MAF: variants seen among roughly 807,000 people sequenced by gnomAD.
The protein encoded by MAF is MAF bZIP transcription factor.
In MAF, 10 loss-of-function variants were observed where a neutral mutation model predicts 22.0. The ratio of observed to expected loss-of-function variants is 0.45; its 90% CI spans 0.28 to 0.77. The LOEUF is 0.77. MAF is among the 30% of genes least tolerant of loss of function. MAF has a pLI of 0.12. For synonymous variants in MAF, 337 were observed against 255.8 expected, an observed-to-expected ratio of 1.32 and a Z score of -3.03; for missense variants, 544 against 548.4, an observed-to-expected ratio of 0.99 and a Z score of 0.08.
At chr16:79,210,869 C>G in the MAF span, among the ~76,000 whole-genome samples, 1 of 152,322 alleles carries the variant, frequency 6.6e-6, no homozygotes, top group Admixed American at 6.5e-5. Flanking sequence ...ATCAGCTGCA[C>G]TCTTTGCAAC....
chr16:79,520,006 C>G, the MAF span, among the ~76,000 whole-genome samples: 1 of 152,186 alleles, frequency 6.6e-6, no homozygotes, highest in Admixed American at 6.5e-5. Context: ...GGAGGGGATG[C>G]TGGAACTGCA....
the MAF span, among the ~76,000 whole-genome samples, chr16:79,579,158 G>T: frequency 2.6e-5 from 4 of 152,252 alleles, no homozygotes; most frequent in Admixed American, 6.5e-5. Flanking sequence ...ATTCTAGTGC[G>T]CATACTCTGA....
chr16:79,539,431 G>C, the MAF span, among the ~76,000 whole-genome samples: 1 of 152,176 alleles, frequency 6.6e-6, no homozygotes, highest in Non-Finnish European at 1.5e-5. Flanking sequence ...TCGAACCCAG[G>C]AGGTGGAGGT....
At chr16:79,460,593 G>A in the MAF span, among the ~76,000 whole-genome samples, 2 of 151,978 alleles carry the variant, frequency 1.3e-5, no homozygotes, top group Non-Finnish European at 2.9e-5. Context: ...TTGCTCTTTT[G>A]CTTATTAATT....
chr16:79,326,543 A>T, the MAF span, among the ~76,000 whole-genome samples: 4 of 152,188 alleles, frequency 2.6e-5, no homozygotes, highest in Non-Finnish European at 5.9e-5. Flanking sequence ...TCTACACCCT[A>T]AATTAGTTTT....
the MAF span, among the ~76,000 whole-genome samples, chr16:79,219,937 A>G: frequency 6.6e-6 from 1 of 152,180 alleles, no homozygotes; most frequent in Non-Finnish European, 1.5e-5. Flanking sequence ...AATAGAGTTA[A>G]TCTTGGAAAT....
chr16:79,489,061 G>A, the MAF span, among the ~76,000 whole-genome samples: 12 of 152,178 alleles, frequency 7.9e-5, no homozygotes, highest in South Asian at 2.3e-3. Context: ...GAGAAACGTG[G>A]CAACTATTCA....
chr16:79,290,755 T>A, the MAF span, among the ~76,000 whole-genome samples: 4 of 152,074 alleles, frequency 2.6e-5, no homozygotes, highest in Admixed American at 2.6e-4. Context: ...GAATCTAGAA[T>A]ACCGTCCAAC....
the MAF span, among the ~76,000 whole-genome samples, chr16:79,477,485 T>G: frequency 6.6e-6 from 1 of 152,272 alleles, no homozygotes; most frequent in African/African-American, 2.4e-5. Flanking sequence ...GAAAACCACC[T>G]TGAAAGCCTG....
At chr16:79,284,140 A>T in the MAF span, among the ~76,000 whole-genome samples, 1 of 152,186 alleles carries the variant, frequency 6.6e-6, no homozygotes, top group African/African-American at 2.4e-5. Flanking sequence ...ATTTAGCAGA[A>T]CACCACTGAC....
the MAF span, among the ~76,000 whole-genome samples, chr16:79,504,977 G>A: frequency 1.8e-4 from 28 of 152,194 alleles, no homozygotes; most frequent in East Asian, 5.4e-3. Flanking sequence ...TGCCACATTT[G>A]CCCTTTTGGA....
At chr16:79,320,207 C>T in the MAF span, among the ~76,000 whole-genome samples, 4 of 152,240 alleles carry the variant, frequency 2.6e-5, no homozygotes, top group South Asian at 4.1e-4. Flanking sequence ...GGTTTTGTGA[C>T]AGAGTGATCT....
At chr16:79,297,372 G>A in the MAF span, among the ~76,000 whole-genome samples, 2,373 of 152,232 alleles carry the variant, frequency 0.016, 31 homozygotes, top group Non-Finnish European at 0.024. Context: ...GAATATCTAC[G>A]GTGACTGTGG....
chr16:79,486,212 G>C, the MAF span, among the ~76,000 whole-genome samples: 38 of 152,176 alleles, frequency 2.5e-4, no homozygotes, highest in Non-Finnish European at 5.1e-4. Flanking sequence ...GAAATATAGT[G>C]ATAGGCAAGA....
the MAF span, among the ~76,000 whole-genome samples, chr16:79,468,212 TG>T: frequency 6.6e-6 from 1 of 152,028 alleles, no homozygotes; most frequent in Non-Finnish European, 1.5e-5. Flanking sequence ...ACAGGTGAAA[TG>T]GGGTGAGCTC....
chr16:79,281,661 T>C, the MAF span, among the ~76,000 whole-genome samples: 117 of 151,478 alleles, frequency 7.7e-4, no homozygotes, highest in African/African-American at 2.6e-3. Context: ...CGATTCTCCT[T>C]CTTCAGCCTC....
chr16:79,590,043 C>T (rs1913098255), downstream of MAF, among the ~76,000 whole-genome samples: 1 of 152,182 alleles, frequency 6.6e-6, no homozygotes, highest in African/African-American at 2.4e-5. Flanking sequence ...TCCCTGCGCA[C>T]CTACTGTACG....
chr16:79,565,604 T>C, the MAF span, among the ~76,000 whole-genome samples: 1 of 152,136 alleles, frequency 6.6e-6, no homozygotes, highest in Non-Finnish European at 1.5e-5. Context: ...GATGCTGTTA[T>C]AAGGGGCTCT....
the MAF span, among the ~76,000 whole-genome samples, chr16:79,519,015 A>T: frequency 1.3e-5 from 2 of 152,230 alleles, no homozygotes; most frequent in South Asian, 2.1e-4. Context: ...AGCTCCTAGG[A>T]ATGGAAGAGC....
Sources: allele counts gnomAD v4.1 joint callset (sites outside exome capture counted in the v4.1 genomes callset), GRCh38; gene constraint gnomAD v4.1.1; transcripts MANE v1.5; gene names NCBI Gene and HGNC (gene_info 2026-07-23, HGNC 2026-07-21).